The following SPAG16 variants were observed in gnomAD, a reference collection of about 807,000 sequenced individuals.
The protein encoded by SPAG16 is sperm associated antigen 16, also known as sperm-associated antigen 16 protein.
SPAG16 carries 86 observed loss-of-function variants against 80.4 expected under a neutral mutation model. The ratio of observed to expected loss-of-function variants is 1.07; its 90% CI spans 0.90 to 1.28. SPAG16 has a LOEUF of 1.28. Among genes scored for constraint, SPAG16 ranks in the 50% most tolerant of loss-of-function variants. SPAG16 has a pLI of 0.00. For missense variants in SPAG16, 870 were observed against 765.3 expected (o/e 1.14, Z -1.61); for synonymous variants, 294 against 265.9 (o/e 1.11, Z -1.03).
chr2:213,713,994 G>GA (rs1441709911), intron 10 of SPAG16, among the ~76,000 whole-genome samples: 1 of 152,022 alleles, frequency 6.6e-6, no homozygotes, highest in Admixed American at 6.5e-5. Context: ...TATAACATGA[G>GA]AAAAAAAGGA....
rs1483720818 is a variant in SPAG16, at chr2:214,012,284, A to ATTTT, written c.1401-1666_1401-1665insTTTT. Among the ~76,000 whole-genome samples the ATTTT allele has an allele frequency of 8.5e-3, 464 of 54,530 alleles. 14 individuals are homozygous for ATTTT. The highest frequency in any genetic ancestry group is 0.026 in the South Asian group (18 of 704). The allele number at this position is 54,530 out of a possible 152,430, so 35.8% of individuals were successfully genotyped here. ...CATATATATATATATATATATATAT[A>ATTTT]TATATTTTTTTTTTTTTTTTTTTTT... On this transcript the variant is annotated intron_variant, in intron 12 of 15. Coordinates refer to ENST00000331683, the MANE Select transcript of SPAG16 (RefSeq NM_024532.5).
At chr2:214,030,671 A>G (rs2048360986) in intron 13 of SPAG16, among the ~76,000 whole-genome samples, 1 of 152,188 alleles carries the variant, frequency 6.6e-6, no homozygotes, top group South Asian at 2.1e-4. Flanking sequence ...GTGTTCAGAG[A>G]TGATGAACTT....
intron 10 of SPAG16, among the ~76,000 whole-genome samples, chr2:213,588,209 GAC>G (rs2060536120): frequency 6.6e-6 from 1 of 152,046 alleles, no homozygotes; most frequent in Non-Finnish European, 1.5e-5. Flanking sequence ...AAGCATCAAA[GAC>G]ACATGCATAA....
intron 10 of SPAG16, among the ~76,000 whole-genome samples, chr2:213,724,612 T>C (rs1479541158): frequency 6.6e-6 from 1 of 151,412 alleles, no homozygotes; most frequent in African/African-American, 2.4e-5. Context: ...ACCCTGTCTC[T>C]ACTAAAAATA....
intron 9 of SPAG16, among the ~76,000 whole-genome samples, chr2:213,392,860 A>C (rs2067832907): frequency 1.3e-5 from 2 of 151,944 alleles, no homozygotes; most frequent in Non-Finnish European, 2.9e-5. Flanking sequence ...AAAAAAAAAA[A>C]CAGTGTTGAA....
intron 10 of SPAG16, among the ~76,000 whole-genome samples, chr2:213,502,793 T>A (rs2074799106): frequency 6.6e-6 from 1 of 152,240 alleles, no homozygotes; most frequent in Non-Finnish European, 1.5e-5. Context: ...CATCTGAATA[T>A]CTGAATCTCC....
intron 10 of SPAG16, among the ~76,000 whole-genome samples, chr2:213,833,643 C>T (rs1166337829): frequency 9.7e-6 from 1 of 103,262 alleles, no homozygotes; most frequent in African/African-American, 4.0e-5. Context: ...TTTATGTGCT[C>T]CTGTTGCACT....
chr2:214,066,021 A>G (rs916886502), intron 13 of SPAG16, among the ~76,000 whole-genome samples: 1 of 152,194 alleles, frequency 6.6e-6, no homozygotes, highest in Non-Finnish European at 1.5e-5. Flanking sequence ...AGAACTAATG[A>G]TGAAATCACC....
intron 10 of SPAG16, among the ~76,000 whole-genome samples, chr2:213,511,958 GA>G (rs924292184): frequency 4.0e-5 from 6 of 151,450 alleles, no homozygotes; most frequent in African/African-American, 1.2e-4. Context: ...ATGAAGTCCA[GA>G]AAAACATTAT....
At chr2:214,376,661 G>A (rs1574445977) in intron 15 of SPAG16, among the ~76,000 whole-genome samples, 2 of 152,092 alleles carry the variant, frequency 1.3e-5, no homozygotes, top group South Asian at 4.1e-4. Context: ...TTAGGGTGAG[G>A]GTTCTTCTCT....
chr2:214,112,419 T>C (rs2125419907), intron 14 of SPAG16, among the ~76,000 whole-genome samples: 1 of 152,246 alleles, frequency 6.6e-6, no homozygotes, highest in East Asian at 1.9e-4. Flanking sequence ...GGTGTTAAAG[T>C]CTCCCATTAT....
At chr2:214,118,277 A>G (rs1177583698) in intron 14 of SPAG16, among the ~76,000 whole-genome samples, 3 of 152,210 alleles carry the variant, frequency 2.0e-5, no homozygotes, top group Non-Finnish European at 4.4e-5. Flanking sequence ...TTTAAACAAA[A>G]ACATGAAATG....
At position 213,712,921 on chromosome 2, in the gene SPAG16, A is replaced by G. The variant is rs189478665; in HGVS notation, c.1071-149564A>G. Among the ~76,000 whole-genome samples the G allele has an allele frequency of 4.6e-5, 7 of 152,244 alleles. No individual in the cohort carries two copies. In the East Asian group the frequency reaches 9.6e-4, roughly 21 times the overall value. ...TCATACTGCTACGAAGAAATACCTG[A>G]GGCTGGGTAATTTATAAAGAAAAGA... On this transcript the variant is annotated intron_variant, in intron 10 of 15. Transcript: ENST00000331683.
intron 10 of SPAG16, among the ~76,000 whole-genome samples, chr2:213,815,649 T>G (rs2072482892): frequency 6.6e-6 from 1 of 152,088 alleles, no homozygotes; most frequent in African/African-American, 2.4e-5. Flanking sequence ...TGGGCCCCTT[T>G]GTATGAAAGC....
intron 9 of SPAG16, among the ~76,000 whole-genome samples, chr2:213,488,591 G>A (rs2074094024): frequency 6.6e-6 from 1 of 152,028 alleles, no homozygotes; most frequent in Non-Finnish European, 1.5e-5. Context: ...TGAAAAACGA[G>A]AGAAGACAAT....
At chr2:213,374,331 C>T (rs892743934) in intron 8 of SPAG16, among the ~76,000 whole-genome samples, 18 of 151,878 alleles carry the variant, frequency 1.2e-4, no homozygotes, top group African/African-American at 4.4e-4. Context: ...TAATTTGTAA[C>T]GTTTAGTTGT....
chr2:213,974,948 TAA>T (rs569021815), intron 12 of SPAG16, among the ~76,000 whole-genome samples: 28 of 116,314 alleles, frequency 2.4e-4, no homozygotes, highest in Non-Finnish European at 3.2e-4. Context: ...AAGATGTCGT[TAA>T]AAAAAAAAAA....
chr2:213,933,700 C>T (rs892836059), intron 12 of SPAG16, among the ~76,000 whole-genome samples: 1 of 152,158 alleles, frequency 6.6e-6, no homozygotes, highest in Non-Finnish European at 1.5e-5. Flanking sequence ...GCTTCTTGAC[C>T]CCTAATGTTG....
intron 8 of SPAG16, among the ~76,000 whole-genome samples, chr2:213,372,148 C>T (rs946895765): frequency 6.6e-6 from 1 of 151,716 alleles, no homozygotes; most frequent in Non-Finnish European, 1.5e-5. Flanking sequence ...AAATTAATTT[C>T]AAAAAGCTTA....
Sources: allele counts gnomAD v4.1 joint callset (sites outside exome capture counted in the v4.1 genomes callset), GRCh38; gene constraint gnomAD v4.1.1; transcripts MANE v1.5; gene names NCBI Gene and HGNC (gene_info 2026-07-23, HGNC 2026-07-21).